The following WDR7 variants were observed in gnomAD, a reference collection of about 807,000 sequenced individuals.
The protein encoded by WDR7 is WD repeat domain 7, also known as WD repeat-containing protein 7.
In WDR7, 46 loss-of-function variants were observed where a neutral mutation model predicts 169.4. The ratio of observed to expected loss-of-function variants is 0.27; its 90% CI spans 0.21 to 0.35. The LOEUF is 0.35. WDR7 is among the 10% of genes least tolerant of loss of function. WDR7 has a pLI of 1.00. For missense variants in WDR7, 1,534 were observed against 1,859.3 expected (o/e 0.83, Z 3.22); for synonymous variants, 612 against 666.8 (o/e 0.92, Z 1.27).
intron 25 of WDR7, among the ~76,000 whole-genome samples, chr18:56,961,111 T>C (rs1335258840): frequency 1.3e-5 from 2 of 152,152 alleles, no homozygotes; most frequent in African/African-American, 4.8e-5. Flanking sequence ...TTTAAAAATT[T>C]AATGGTTTGT....
chr18:56,771,604 G>A (rs887811461), intron 16 of WDR7, among the ~76,000 whole-genome samples: 8 of 142,020 alleles, frequency 5.6e-5, no homozygotes, highest in African/African-American at 1.9e-4. Context: ...AATACTGGCC[G>A]GGCACGGTGG....
intron 14 of WDR7, among the ~76,000 whole-genome samples, chr18:56,732,248 G>A (rs892130804): frequency 1.7e-4 from 26 of 152,024 alleles, no homozygotes; most frequent in Admixed American, 1.7e-3. Context: ...GCCACTGTTT[G>A]GTCTGTGGTA....
chr18:56,980,878 C>T (rs2047634592), intron 26 of WDR7, among the ~76,000 whole-genome samples: 1 of 152,152 alleles, frequency 6.6e-6, no homozygotes, highest in Admixed American at 6.5e-5. Context: ...TCACCAGAGG[C>T]CCTCGCCAGT....
intron 19 of WDR7, among the ~76,000 whole-genome samples, chr18:56,783,736 A>C (rs2044353725): frequency 6.6e-6 from 1 of 152,230 alleles, no homozygotes; most frequent in Non-Finnish European, 1.5e-5. Context: ...ATTGCTTATA[A>C]AGGTCTAAGA....
At chr18:56,771,629 C>A (rs1266674433) in intron 16 of WDR7, among the ~76,000 whole-genome samples, 3 of 142,668 alleles carry the variant, frequency 2.1e-5, no homozygotes, top group African/African-American at 7.9e-5. Flanking sequence ...TGCCTGTAAT[C>A]CTGGCACTTT....
intron 26 of WDR7, among the ~76,000 whole-genome samples, chr18:56,964,344 C>T (rs1443666599): frequency 6.6e-6 from 1 of 151,516 alleles, no homozygotes; most frequent in Non-Finnish European, 1.5e-5. Flanking sequence ...TTATGTATAT[C>T]ATTTTAGTAT....
At chr18:56,675,246 A>G (rs1462476330) in intron 2 of WDR7, among the ~76,000 whole-genome samples, 1 of 152,134 alleles carries the variant, frequency 6.6e-6, no homozygotes, top group East Asian at 1.9e-4. Context: ...AATTTCTACA[A>G]AGAAGTCAGT....
At chr18:57,022,395 G>A (rs997309651) in intron 27 of WDR7, among the ~76,000 whole-genome samples, 1 of 152,152 alleles carries the variant, frequency 6.6e-6, no homozygotes, top group African/African-American at 2.4e-5. Flanking sequence ...GGTAGGTACT[G>A]GCCTGTGCAT....
At chr18:56,816,906 A>G (rs2145218973) in intron 20 of WDR7, among the ~76,000 whole-genome samples, 1 of 152,358 alleles carries the variant, frequency 6.6e-6, no homozygotes, top group East Asian at 1.9e-4. Context: ...TTGTGAAGCA[A>G]CAAATATTAA....
At chr18:56,729,330 GT>G (rs1451586070) in intron 13 of WDR7, among the ~76,000 whole-genome samples, 1 of 151,980 alleles carries the variant, frequency 6.6e-6, no homozygotes, top group African/African-American at 2.4e-5. Context: ...ATATACATTT[GT>G]AAAAAATTGA....
At chr18:57,000,680 G>A (rs1328395947) in intron 26 of WDR7, among the ~76,000 whole-genome samples, 1 of 152,130 alleles carries the variant, frequency 6.6e-6, no homozygotes, top group Non-Finnish European at 1.5e-5. Flanking sequence ...GGAAGTGCAT[G>A]ATTGTATTAT....
chr18:56,919,693 AC>A (rs2046682747), intron 21 of WDR7, among the ~76,000 whole-genome samples: 1 of 152,174 alleles, frequency 6.6e-6, no homozygotes, highest in Non-Finnish European at 1.5e-5. Context: ...ACCCAGAGCT[AC>A]ACCTAACCAC....
chr18:56,739,174 A>T (rs1244546054), intron 14 of WDR7, among the ~76,000 whole-genome samples: 1 of 151,806 alleles, frequency 6.6e-6, no homozygotes, highest in Non-Finnish European at 1.5e-5. Context: ...GTTCCATTTC[A>T]CTGTTTTTAT....
At position 56,691,791 on chromosome 18, in the gene WDR7, A is replaced by G. The variant is rs775234309; in HGVS notation, c.940A>G (p.Ile314Val). The G allele has an allele frequency of 6.2e-7, 1 of 1,611,214 alleles. No homozygotes were observed. The highest frequency in any genetic ancestry group is 2.2e-5 in the East Asian group (1 of 44,710). Reference protein sequence around the residue: ...VENLIPPVQHILLDRKDKELL... With the variant: ...VENLIPPVQHVLLDRKDKELL... Reference sequence around the variant, plus strand: ...AAATTTAATTCCTCCTGTACAACATATCCTCTTGGATCGAAAAGATAAAGA... The same window carrying G: ...AAATTTAATTCCTCCTGTACAACATGTCCTCTTGGATCGAAAAGATAAAGA... Residue 314 changes from isoleucine to valine, a missense_variant, in exon 9 of 28, where the codon ATC becomes GTC. Ile to Val is a conservative substitution (Grantham distance 29). Coordinates refer to ENST00000254442, the MANE Select transcript of WDR7 (RefSeq NM_015285.3).
chr18:57,030,819 AG>A (rs2048437366), downstream of WDR7: 2 of 152,148 alleles, frequency 1.3e-5, no homozygotes, highest in Non-Finnish European at 2.9e-5. Flanking sequence ...CAAATACCAA[AG>A]GTCAAAAAGA....
rs183770216 is a variant in WDR7, at chr18:56,830,243, C to T, written c.3304+14099C>T. ...TTGATGTTTTGGTGTAAAATGTATACGATTCATCATAAAATGACATTTATA... is the reference window on the plus strand; with the variant it reads ...TTGATGTTTTGGTGTAAAATGTATATGATTCATCATAAAATGACATTTATA... On this transcript the variant is annotated intron_variant, in intron 20 of 27. Transcript: ENST00000254442. Among the ~76,000 whole-genome samples the T allele has an allele frequency of 3.7e-4, 56 of 152,212 alleles. 1 individual carries two copies. Among genetic ancestry groups the T allele is most frequent in the African/African-American group, 1.1e-3 (45 of 41,518 alleles).
rs184149818 is a variant in WDR7 at position 57,007,591 on chromosome 18, A to C, written c.4165-13154A>C. ...TAAAGGGTTATCATTTAAAAGTTTAAATACTGTCAACCTTCAAAGCAATTT... is the reference window on the plus strand; with the variant it reads ...TAAAGGGTTATCATTTAAAAGTTTACATACTGTCAACCTTCAAAGCAATTT... On this transcript the variant is annotated intron_variant, in intron 26 of 27. Transcript: ENST00000254442. Among the ~76,000 whole-genome samples, 162 of 152,284 alleles carry C rather than the reference A, an allele frequency of 1.1e-3. 1 individual carries two copies. The highest frequency in any genetic ancestry group is 3.8e-3 in the African/African-American group (156 of 41,570).
chr18:56,931,910 G>T (rs965680543), intron 22 of WDR7, among the ~76,000 whole-genome samples: 12 of 152,166 alleles, frequency 7.9e-5, no homozygotes, highest in African/African-American at 2.7e-4. Context: ...TGAAAAGAGT[G>T]AGTTGAAAAT....
chr18:56,806,226 T>G (rs1046822243), intron 19 of WDR7, among the ~76,000 whole-genome samples: 3 of 152,204 alleles, frequency 2.0e-5, no homozygotes, highest in Non-Finnish European at 2.9e-5. Flanking sequence ...ATTTTTATTT[T>G]CTTTGCCTAG....
Sources: allele counts gnomAD v4.1 joint callset (sites outside exome capture counted in the v4.1 genomes callset), GRCh38; gene constraint gnomAD v4.1.1; transcripts MANE v1.5; gene names NCBI Gene and HGNC (gene_info 2026-07-23, HGNC 2026-07-21).